CNBD1: variants seen among roughly 807,000 people sequenced by gnomAD.
CNBD1 encodes the protein cyclic nucleotide-binding domain-containing protein 1.
A neutral mutation model predicts 54.4 loss-of-function variants in CNBD1; 71 were observed. The ratio of observed to expected loss-of-function variants is 1.30; its 90% CI spans 1.08 to 1.59. The LOEUF is 1.59. Ranked by LOEUF, CNBD1 falls within the 40% of genes most tolerant of loss-of-function variation. The probability of loss-of-function intolerance (pLI) is 0.00; values close to 1 mark genes in which losing one functional copy is unlikely to be tolerated. For missense variants in CNBD1, 659 were observed against 518.0 expected (o/e 1.27, Z -2.64); for synonymous variants, 182 against 170.7 (o/e 1.07, Z -0.51).
intron 4 of CNBD1, among the ~76,000 whole-genome samples, chr8:87,010,088 C>T (rs1180313214): frequency 6.6e-6 from 1 of 151,900 alleles, no homozygotes; most frequent in Non-Finnish European, 1.5e-5. Flanking sequence ...ATTTTTTTCC[C>T]AAAATTTGTT....
intron 8 of CNBD1, among the ~76,000 whole-genome samples, chr8:87,339,127 G>C (rs553672329): frequency 3.3e-5 from 5 of 151,840 alleles, no homozygotes; most frequent in Non-Finnish European, 7.4e-5. Flanking sequence ...TTTCTCTTGA[G>C]AGAAGATCTT....
intron 4 of CNBD1, among the ~76,000 whole-genome samples, chr8:87,141,524 GT>G (rs1298043134): frequency 1.3e-5 from 2 of 151,958 alleles, no homozygotes; most frequent in East Asian, 1.9e-4. Context: ...TAAGACAGCT[GT>G]TTTTCCAACC....
chr8:87,225,387 A>G (rs1362225863), intron 5 of CNBD1, among the ~76,000 whole-genome samples: 1 of 152,072 alleles, frequency 6.6e-6, no homozygotes, highest in Non-Finnish European at 1.5e-5. Flanking sequence ...GGTTTGTCAT[A>G]GCTCTTATTA....
chr8:87,104,044 G>T (rs1437875336), intron 4 of CNBD1, among the ~76,000 whole-genome samples: 1 of 152,154 alleles, frequency 6.6e-6, no homozygotes, highest in African/African-American at 2.4e-5. Flanking sequence ...GACCATGATG[G>T]TCATGGTCAG....
chr8:87,381,679 A>C (rs1811077785), intron 10 of CNBD1, among the ~76,000 whole-genome samples: 1 of 152,054 alleles, frequency 6.6e-6, no homozygotes, highest in Non-Finnish European at 1.5e-5. Context: ...TTCAGCCTTA[A>C]AAAGGAAATT....
intron 10 of CNBD1, among the ~76,000 whole-genome samples, chr8:87,370,040 C>T (rs1369625297): frequency 6.6e-6 from 1 of 151,962 alleles, no homozygotes; most frequent in South Asian, 2.1e-4. Flanking sequence ...ATCCATGTCC[C>T]TACAAAGGAC....
intron 5 of CNBD1, among the ~76,000 whole-genome samples, chr8:87,215,027 C>A (rs979373511): frequency 6.6e-6 from 1 of 152,076 alleles, no homozygotes; most frequent in Non-Finnish European, 1.5e-5. Context: ...AACTTATATA[C>A]AAATGTTTAT....
At chr8:87,197,627 T>C (rs985816203) in intron 4 of CNBD1, among the ~76,000 whole-genome samples, 1 of 152,126 alleles carries the variant, frequency 6.6e-6, no homozygotes, top group Non-Finnish European at 1.5e-5. Context: ...ATGTAGAAAG[T>C]CAGAAGGAAG....
At chr8:86,979,663 A>G (rs1032395901) in intron 4 of CNBD1, among the ~76,000 whole-genome samples, 3 of 152,180 alleles carry the variant, frequency 2.0e-5, no homozygotes. Context: ...GGATAAATAA[A>G]TATTACAGAC....
intron 4 of CNBD1, among the ~76,000 whole-genome samples, chr8:87,022,955 C>A (rs1399999250): frequency 6.6e-6 from 1 of 152,128 alleles, no homozygotes; most frequent in Non-Finnish European, 1.5e-5. Flanking sequence ...ATCATGAACC[C>A]AGGTGCTTTC....
intron 4 of CNBD1, among the ~76,000 whole-genome samples, chr8:87,010,796 C>T (rs538276913): frequency 1.3e-5 from 2 of 152,248 alleles, no homozygotes; most frequent in Non-Finnish European, 2.9e-5. Flanking sequence ...TCCATGTTTT[C>T]ACTTGTTTTC....
At chr8:87,357,635 A>G (rs980369842) in intron 10 of CNBD1, among the ~76,000 whole-genome samples, 5 of 152,162 alleles carry the variant, frequency 3.3e-5, no homozygotes, top group Admixed American at 6.5e-5. Flanking sequence ...TTTTGGTCTT[A>G]CAGGCTCATA....
At chr8:87,196,798 A>G (rs892022610) in intron 4 of CNBD1, among the ~76,000 whole-genome samples, 2 of 152,174 alleles carry the variant, frequency 1.3e-5, no homozygotes, top group African/African-American at 2.4e-5. Flanking sequence ...ACCTGAAATT[A>G]TTTTGTTTCC....
At chr8:86,879,652 A>T (rs1286360537) in intron 1 of CNBD1, among the ~76,000 whole-genome samples, 1 of 152,162 alleles carries the variant, frequency 6.6e-6, no homozygotes, top group Non-Finnish European at 1.5e-5. Context: ...CGGGTGGATC[A>T]TGAGGTCAGG....
At chr8:86,949,806 A>G (rs575951623) in intron 4 of CNBD1, among the ~76,000 whole-genome samples, 1 of 152,118 alleles carries the variant, frequency 6.6e-6, no homozygotes, top group Admixed American at 6.5e-5. Context: ...TCTTAGAGAA[A>G]AAGCTTCACT....
chr8:87,394,760 ATAAT>A (rs1168674835), intron 2 of CNBD1, among the ~76,000 whole-genome samples: 1 of 151,964 alleles, frequency 6.6e-6, no homozygotes, highest in Non-Finnish European at 1.5e-5. Context: ...TAAGTTTAAG[ATAAT>A]TAAACTCATC....
intron 4 of CNBD1, among the ~76,000 whole-genome samples, chr8:87,102,076 A>G (rs1294900883): frequency 6.6e-6 from 1 of 151,942 alleles, no homozygotes; most frequent in Non-Finnish European, 1.5e-5. Flanking sequence ...TTTAGTAGAG[A>G]TGGGGTTTCA....
chr8:87,306,985 A>C (rs1408278912), intron 8 of CNBD1, among the ~76,000 whole-genome samples: 1 of 152,186 alleles, frequency 6.6e-6, no homozygotes, highest in Non-Finnish European at 1.5e-5. Context: ...TATCTGAAAT[A>C]AATAAATGAC....
chr8:87,053,562 G>A (rs2130627185), intron 4 of CNBD1, among the ~76,000 whole-genome samples: 1 of 152,314 alleles, frequency 6.6e-6, no homozygotes, highest in East Asian at 1.9e-4. Flanking sequence ...TCTCTCTTTG[G>A]TTGTCTGGGT....
Sources: allele counts gnomAD v4.1 joint callset (sites outside exome capture counted in the v4.1 genomes callset), GRCh38; gene constraint gnomAD v4.1.1; transcripts MANE v1.5; gene names NCBI Gene and HGNC (gene_info 2026-07-23, HGNC 2026-07-21).